The following MTHFS variants were observed in gnomAD, a reference collection of about 807,000 sequenced individuals.
MTHFS encodes 5-formyltetrahydrofolate cyclo-ligase.
In MTHFS, 7 loss-of-function variants were observed where a neutral mutation model predicts 12.7. The ratio of observed to expected loss-of-function variants is 0.55; its 90% confidence interval spans 0.31 to 1.03. MTHFS has a LOEUF of 1.03. Ranked by LOEUF, MTHFS falls within the 50% of genes least tolerant of loss-of-function variation. MTHFS has a pLI of 0.05. For missense variants in MTHFS, 252 were observed against 258.1 expected (o/e 0.98, Z 0.16); for synonymous variants, 100 against 97.1 (o/e 1.03, Z -0.18).
intron 2 of MTHFS, among the ~76,000 whole-genome samples, chr15:79,851,008 T>C (rs1332344644): frequency 6.6e-6 from 1 of 152,144 alleles, no homozygotes; most frequent in Non-Finnish European, 1.5e-5. Context: ...TCAGTTCAGC[T>C]AGTGGACTGT....
Position 79,843,968 on chromosome 15 carries a change from G to C in MTHFS, c.*1242C>G, listed in dbSNP as rs919829295. 1 of 152,250 alleles carries C rather than the reference G, an allele frequency of 6.6e-6. No homozygotes were observed. 9.4% of individuals were successfully genotyped at this position (152,250 alleles called of 1,614,324 possible). On this transcript the variant is annotated 3_prime_UTR_variant, in exon 3 of 3. Coordinates refer to ENST00000258874, the MANE Select transcript of MTHFS (RefSeq NM_006441.4). Reference sequence around the variant, plus strand: ...CAACAGAAAGAGCATTTCAGACAGAGAGAAATGCATGCTTACTATGTGCAA... The same window carrying C: ...CAACAGAAAGAGCATTTCAGACAGACAGAAATGCATGCTTACTATGTGCAA...
At chr15:79,867,985 A>C (rs2034041610) in intron 2 of MTHFS, among the ~76,000 whole-genome samples, 1 of 152,222 alleles carries the variant, frequency 6.6e-6, no homozygotes, top group African/African-American at 2.4e-5. Flanking sequence ...GAGTGAGCCC[A>C]GCAATCCAAC....
chr15:79,873,327 A>G (rs754349200), intron 2 of MTHFS, among the ~76,000 whole-genome samples: 3 of 152,346 alleles, frequency 2.0e-5, no homozygotes, highest in East Asian at 1.9e-4. Flanking sequence ...ATAGAGGAGC[A>G]GGATATTAAT....
rs1360312456 is a variant in MTHFS, at chr15:79,845,139, A to T, written c.*71T>A. On this transcript the variant is annotated 3_prime_UTR_variant, in exon 3 of 3. Coordinates refer to ENST00000258874, the MANE Select transcript of MTHFS (RefSeq NM_006441.4). The stretch of plus-strand genomic sequence containing the variant: ...TGAACAATTTCAACTAATTTTTGAC[A>T]AGGGAAAAATACACATACTTTGCTT... The T allele has an allele frequency of 9.6e-6, 15 of 1,559,210 alleles. No homozygotes were observed. The highest frequency in any genetic ancestry group is 1.2e-5 in the Non-Finnish European group (14 of 1,150,460).
chr15:79,848,826 G>C (rs2033663839), intron 2 of MTHFS, among the ~76,000 whole-genome samples: 1 of 151,894 alleles, frequency 6.6e-6, no homozygotes, highest in African/African-American at 2.4e-5. Flanking sequence ...TTTCTTTGAG[G>C]GCCATAATTT....
chr15:79,877,221 G>A (rs2034213510), intron 2 of MTHFS: 1 of 152,012 alleles, frequency 6.6e-6, no homozygotes, highest in Non-Finnish European at 1.5e-5. Flanking sequence ...TAAGTGACTT[G>A]TGGGACAATA....
chr15:79,857,681 C>G (rs777520247), intron 2 of MTHFS, among the ~76,000 whole-genome samples: 2 of 152,086 alleles, frequency 1.3e-5, no homozygotes, highest in Non-Finnish European at 2.9e-5. Flanking sequence ...GCCTTGTTAT[C>G]TGCTTCAATA....
chr15:79,849,376 C>A (rs972265581), intron 2 of MTHFS, among the ~76,000 whole-genome samples: 2 of 152,204 alleles, frequency 1.3e-5, no homozygotes, highest in African/African-American at 4.8e-5. Context: ...ACCATCCCCA[C>A]ATGCATCACC....
At chr15:79,863,981 G>A (rs950384253) in intron 2 of MTHFS, among the ~76,000 whole-genome samples, 4 of 152,250 alleles carry the variant, frequency 2.6e-5, no homozygotes, top group East Asian at 1.9e-4. Flanking sequence ...AGCACATGAC[G>A]GCAGTAAGGA....
chr15:79,867,886 T>C (rs1248193953), intron 2 of MTHFS, among the ~76,000 whole-genome samples: 1 of 152,222 alleles, frequency 6.6e-6, no homozygotes, highest in Non-Finnish European at 1.5e-5. Flanking sequence ...ACTGGGATCA[T>C]AGAAGAATGC....
At chr15:79,889,452 T>C in intron 1 of MTHFS, 98 bp from the exon 2 acceptor site, 1 of 871,724 alleles carries the variant, frequency 1.1e-6, no homozygotes, top group Non-Finnish European at 1.6e-6. Flanking sequence ...CCAATTTCTT[T>C]AAATATTAAA....
chr15:79,859,668 A>C (rs1478685367), intron 2 of MTHFS, among the ~76,000 whole-genome samples: 2 of 152,148 alleles, frequency 1.3e-5, no homozygotes, highest in Non-Finnish European at 2.9e-5. Flanking sequence ...AAATACAAAA[A>C]TTAGCCAGGC....
In MTHFS at chr15:79,896,998, A is replaced by G; in HGVS notation, c.-10T>C. The stretch of plus-strand genomic sequence containing the variant: ...CCGCTGCCGCCGCCATCTCACGCCC[A>G]AGCCGAGTCCAGTCCCGCCCTCGGC... On this transcript the variant is annotated 5_prime_UTR_variant, in exon 1 of 3. Coordinates refer to ENST00000258874, the MANE Select transcript of MTHFS (RefSeq NM_006441.4). 2.0e-6 allele frequency: 3 copies of G among 1,526,402 alleles called. No individual in the cohort carries two copies. The highest frequency in any genetic ancestry group is 1.8e-6 in the Non-Finnish European group (2 of 1,142,850). The allele number at this position is 1,526,402 out of a possible 1,614,324, so 94.6% of individuals were successfully genotyped here. A position where few individuals can be genotyped will look rare whatever the true frequency, so the allele number is the denominator to read the frequency against.
At chr15:79,870,688 C>T (rs980164262) in intron 2 of MTHFS, among the ~76,000 whole-genome samples, 1 of 152,022 alleles carries the variant, frequency 6.6e-6, no homozygotes, top group Non-Finnish European at 1.5e-5. Flanking sequence ...AATCATGAAC[C>T]CAGGAAAATT....
At chr15:79,847,125 C>G (rs2033632789) in intron 2 of MTHFS, among the ~76,000 whole-genome samples, 1 of 152,184 alleles carries the variant, frequency 6.6e-6, no homozygotes, top group Non-Finnish European at 1.5e-5. Context: ...TCATGGAAAA[C>G]TCAACTTGAC....
At chr15:79,850,659 AT>A (rs1420981778) in intron 2 of MTHFS, among the ~76,000 whole-genome samples, 3 of 152,214 alleles carry the variant, frequency 2.0e-5, no homozygotes, top group African/African-American at 7.2e-5. Context: ...ATGTGGCAGA[AT>A]GGACAAGTAA....
chr15:79,848,169 CAAA>C (rs1178012012), intron 2 of MTHFS, among the ~76,000 whole-genome samples: 3 of 152,152 alleles, frequency 2.0e-5, no homozygotes, highest in Non-Finnish European at 4.4e-5. Flanking sequence ...TCAGCCATAT[CAAA>C]GAAGGAAATT....
intron 2 of MTHFS, among the ~76,000 whole-genome samples, chr15:79,859,588 C>T (rs1004215995): frequency 1.3e-5 from 2 of 151,922 alleles, no homozygotes; most frequent in African/African-American, 4.8e-5. Context: ...GAGGCCGAGG[C>T]GGGCAGATCA....
At chr15:79,858,237 T>C (rs1323911922) in intron 2 of MTHFS, among the ~76,000 whole-genome samples, 1 of 152,106 alleles carries the variant, frequency 6.6e-6, no homozygotes, top group Non-Finnish European at 1.5e-5. Context: ...CAGCTAAAAA[T>C]GCATCTAATC....
Sources: gnomAD v4.1 joint callset for allele counts (sites outside exome capture counted in the v4.1 genomes callset) on GRCh38, gnomAD v4.1.1 for gene constraint, MANE v1.5 for transcripts, NCBI Gene and HGNC (gene_info 2026-07-23, HGNC 2026-07-21) for gene names.